Variants in CCDC170 observed in about 807,000 individuals in gnomAD.
CCDC170 encodes coiled-coil domain-containing protein 170.
CCDC170 carries 69 observed loss-of-function variants against 72.6 expected under a neutral mutation model. The ratio of observed to expected loss-of-function variants is 0.95; its 90% CI spans 0.78 to 1.16. The LOEUF (loss-of-function observed/expected upper bound fraction) is 1.16, where lower values mean the gene tolerates loss of function less well. CCDC170 is among the 50% of genes most tolerant of loss of function. The probability of loss-of-function intolerance (pLI) is 0.00; values close to 1 mark genes in which losing one functional copy is unlikely to be tolerated. For synonymous variants in CCDC170, 300 were observed against 303.9 expected, an observed-to-expected ratio of 0.99 and a Z score of 0.13; for missense variants, 852 against 832.5, an observed-to-expected ratio of 1.02 and a Z score of -0.29.
chr6:151,583,462 C>CT (rs1382724364), intron 6 of CCDC170, among the ~76,000 whole-genome samples: 1 of 151,506 alleles, frequency 6.6e-6, no homozygotes, highest in Admixed American at 6.6e-5. Context: ...CGACTCTTCG[C>CT]TTTTTTTTAT....
intron 4 of CCDC170, among the ~76,000 whole-genome samples, chr6:151,546,785 GC>G (rs1414968418): frequency 6.6e-6 from 1 of 152,104 alleles, no homozygotes; most frequent in East Asian, 1.9e-4. Flanking sequence ...CTCCTGACTG[GC>G]CCTGGTGCTT....
chr6:151,506,380 G>A (rs1312283385), intron 1 of CCDC170, among the ~76,000 whole-genome samples: 1 of 152,182 alleles, frequency 6.6e-6, no homozygotes, highest in Non-Finnish European at 1.5e-5. Context: ...TCTGGTTCAC[G>A]ATTTTAAACC....
chr6:151,523,338 A>T (rs1782351691), intron 1 of CCDC170, among the ~76,000 whole-genome samples: 1 of 152,172 alleles, frequency 6.6e-6, no homozygotes, highest in South Asian at 2.1e-4. Flanking sequence ...TCTCTCTGGC[A>T]TATCCTTTGC....
chr6:151,592,142 G>A (rs546583008), intron 7 of CCDC170, among the ~76,000 whole-genome samples: 130 of 152,168 alleles, frequency 8.5e-4, no homozygotes, highest in Middle Eastern at 6.8e-3. Flanking sequence ...TGGATCACCT[G>A]AGGTCAGGAG....
intron 6 of CCDC170, 109 bp from the exon 7 acceptor site, chr6:151,585,780 C>G (rs1776442545): frequency 2.3e-6 from 2 of 883,756 alleles, no homozygotes; most frequent in Admixed American, 3.3e-5. Flanking sequence ...TACAAATAAT[C>G]TGGAAGTTGG....
chr6:151,562,491 C>G (rs1776055799), intron 5 of CCDC170, among the ~76,000 whole-genome samples: 1 of 152,066 alleles, frequency 6.6e-6, no homozygotes, highest in Non-Finnish European at 1.5e-5. Flanking sequence ...TGTATATGTT[C>G]CTTGGTTGTG....
chr6:151,548,563 A>G, intron 5 of CCDC170, 74 bp downstream of exon 5: 3 of 1,340,498 alleles, frequency 2.2e-6, no homozygotes, highest in Non-Finnish European at 3.0e-6. Flanking sequence ...TGGATGTCAG[A>G]TAAGTGCCCT....
chr6:151,508,212 G>T (rs1782091595), intron 1 of CCDC170, among the ~76,000 whole-genome samples: 1 of 152,150 alleles, frequency 6.6e-6, no homozygotes, highest in South Asian at 2.1e-4. Flanking sequence ...AGCTTATTAA[G>T]GTTTCAAGCA....
At chr6:151,558,550 C>G (rs896622351) in intron 5 of CCDC170, among the ~76,000 whole-genome samples, 1 of 152,142 alleles carries the variant, frequency 6.6e-6, no homozygotes, top group Non-Finnish European at 1.5e-5. Context: ...ATTAATCCAT[C>G]TTGAATTGAT....
At position 151,591,500 on chromosome 6, in the gene CCDC170, A is replaced by AT. The variant is rs549967360; in HGVS notation, c.1294-1595dup. On this transcript the variant is annotated intron_variant, in intron 7 of 10. Coordinates refer to ENST00000239374, the MANE Select transcript of CCDC170 (RefSeq NM_025059.4). ...TCATTTAACTTGGATGCATTAAACA[A>AT]TTTTTTTTTTTTGAGGCGGAGTCTT... is the stretch of plus-strand genomic sequence containing the variant. Among the ~76,000 whole-genome samples, 1,110 of 147,228 alleles carry AT rather than the reference A, an allele frequency of 7.5e-3. 22 individuals carry two copies. The highest frequency in any genetic ancestry group is 5.0e-3 in the Non-Finnish European group (332 of 66,360).
intron 6 of CCDC170, among the ~76,000 whole-genome samples, chr6:151,582,423 A>G (rs779268184): frequency 3.3e-4 from 50 of 152,124 alleles, no homozygotes; most frequent in Non-Finnish European, 6.6e-4. Flanking sequence ...AGATTTAAGG[A>G]GAGTTAGGGC....
At chr6:151,540,613 C>T (rs754388856) in intron 3 of CCDC170, among the ~76,000 whole-genome samples, 7 of 151,754 alleles carry the variant, frequency 4.6e-5, no homozygotes, top group Non-Finnish European at 7.4e-5. Context: ...TCTCAGACTC[C>T]TGGCTTCAAG....
chr6:151,551,563 C>T (rs1447324264), intron 5 of CCDC170, among the ~76,000 whole-genome samples: 3 of 152,208 alleles, frequency 2.0e-5, no homozygotes, highest in African/African-American at 7.2e-5. Flanking sequence ...TCTGGAGTCA[C>T]TTGCTCTTGA....
chr6:151,576,861 GGC>G (rs1562288029), intron 6 of CCDC170, among the ~76,000 whole-genome samples: 1 of 152,222 alleles, frequency 6.6e-6, no homozygotes, highest in Non-Finnish European at 1.5e-5. Flanking sequence ...CACAGTCAGT[GGC>G]TGAGTAATTC....
intron 1 of CCDC170, among the ~76,000 whole-genome samples, chr6:151,530,630 C>G (rs1279936220): frequency 6.6e-6 from 1 of 151,962 alleles, no homozygotes; most frequent in African/African-American, 2.4e-5. Context: ...TTAGTAGAGA[C>G]TGGGTTTCAC....
chr6:151,587,872 CA>C (rs775912553), intron 7 of CCDC170, among the ~76,000 whole-genome samples: 23 of 152,206 alleles, frequency 1.5e-4, no homozygotes, highest in East Asian at 9.7e-4. Flanking sequence ...GTAAGTGAGC[CA>C]TCTTCACAGA....
chr6:151,569,597 C>G (rs960553253), intron 5 of CCDC170, among the ~76,000 whole-genome samples: 4 of 152,232 alleles, frequency 2.6e-5, no homozygotes, highest in Non-Finnish European at 4.4e-5. Flanking sequence ...GGTCTGACAG[C>G]AATCCCCAGG....
intron 9 of CCDC170, among the ~76,000 whole-genome samples, chr6:151,614,006 T>G (rs1023345535): frequency 6.6e-6 from 1 of 152,262 alleles, no homozygotes; most frequent in Admixed American, 6.5e-5. Flanking sequence ...CACTTGTGAT[T>G]GTCTGTCTTT....
At chr6:151,600,919 C>T (rs542396806) in intron 9 of CCDC170, among the ~76,000 whole-genome samples, 1 of 152,298 alleles carries the variant, frequency 6.6e-6, no homozygotes, top group South Asian at 2.1e-4. Context: ...TCTTCAACTT[C>T]TGGTAACCAG....
Sources: gnomAD v4.1 joint callset for allele counts (sites outside exome capture counted in the v4.1 genomes callset) on GRCh38, gnomAD v4.1.1 for gene constraint, MANE v1.5 for transcripts, NCBI Gene and HGNC (gene_info 2026-07-23, HGNC 2026-07-21) for gene names.